Variants in FBXW2 observed in about 807,000 individuals in gnomAD.
The protein encoded by FBXW2 is F-box and WD repeat domain containing 2, also known as F-box/WD repeat-containing protein 2.
In FBXW2, 12 loss-of-function variants were observed where a neutral mutation model predicts 46.0. The observed-to-expected ratio is 0.26, with a 90% CI of 0.17 to 0.42. The LOEUF (loss-of-function observed/expected upper bound fraction) is 0.42, where lower values mean the gene tolerates loss of function less well. FBXW2 is among the 10% of genes least tolerant of loss of function. FBXW2 has a pLI of 1.00. For synonymous variants in FBXW2, 203 were observed against 209.6 expected (o/e 0.97, Z 0.27); for missense variants, 360 against 537.0 (o/e 0.67, Z 3.26).
Position 120,778,069 on chromosome 9 carries a change from G to C in FBXW2, c.685+282C>G, listed in dbSNP as rs139478454. On this transcript the variant is annotated intron_variant, in intron 4 of 7. Transcript: ENST00000608872. ...CAATAGGATATAAATGAAACAGGAGGGGGGAGAGAGAGAATGAGAGAGAGA... is the reference window on the plus strand; with the variant it reads ...CAATAGGATATAAATGAAACAGGAGCGGGGAGAGAGAGAATGAGAGAGAGA... 4.7e-4 allele frequency among the ~76,000 whole-genome samples: 71 copies of C among 151,900 alleles called. 1 individual carries two copies. The East Asian group carries it at 0.011, about 24-fold the overall frequency.
chr9:120,789,562 A>G (rs1184166235), intron 2 of FBXW2, among the ~76,000 whole-genome samples: 1 of 152,210 alleles, frequency 6.6e-6, no homozygotes, highest in African/African-American at 2.4e-5. Context: ...ATATATTTAA[A>G]TATTTCCATG....
chr9:120,767,875 A>G (rs984325414), intron 7 of FBXW2, among the ~76,000 whole-genome samples: 41 of 152,192 alleles, frequency 2.7e-4, no homozygotes, highest in African/African-American at 9.4e-4. Context: ...GTTCACTAAT[A>G]TATGCACTAC....
rs2044177415 is a variant in FBXW2, at chr9:120,760,293, C to CTTCATA, written c.*4260_*4265dup. 6.6e-6 allele frequency: 1 copy of CTTCATA among 152,278 alleles called. No homozygotes were observed. Among genetic ancestry groups the CTTCATA allele is most frequent in the Non-Finnish European group, 1.5e-5 (1 of 68,132 alleles). The allele number at this position is 152,278 out of a possible 1,614,324, so 9.4% of individuals were successfully genotyped here. The stretch of plus-strand genomic sequence containing the variant: ...CTTCCCAACAGAGAAAGGCAAGTGG[C>CTTCATA]TTCATACACCAAGGCCCAGAGGAAG... On this transcript the variant is annotated 3_prime_UTR_variant, in exon 8 of 8. Transcript: ENST00000608872.
chr9:120,776,502 A>T, intron 4 of FBXW2: 1 of 362,702 alleles, frequency 2.8e-6, no homozygotes, highest in Non-Finnish European at 5.1e-6. Flanking sequence ...AGATAATGGC[A>T]TTCCTTCTTA....
At chr9:120,765,321 CTGACCTCAGA>C (rs1160806382) in intron 7 of FBXW2, among the ~76,000 whole-genome samples, 17 of 152,294 alleles carry the variant, frequency 1.1e-4, no homozygotes, top group African/African-American at 3.6e-4. Flanking sequence ...TCTCGAACTA[CTGACCTCAGA>C]TGATCTGCCC....
chr9:120,757,497 A>G lies in FBXW2; in HGVS notation c.*7062T>C, dbSNP rs2044144670. The stretch of plus-strand genomic sequence containing the variant: ...TACCTAATTATCTACCAAAACAGAA[A>G]TGGTTTAGCAAATTACAGTAATGAA... On this transcript the variant is annotated 3_prime_UTR_variant, in exon 8 of 8. Coordinates refer to ENST00000608872, the MANE Select transcript of FBXW2 (RefSeq NM_012164.4). 1 of 152,240 alleles carries G rather than the reference A, an allele frequency of 6.6e-6. No individual in the cohort carries two copies. The highest frequency in any genetic ancestry group is 2.4e-5 in the African/African-American group (1 of 41,454). The allele number at this position is 152,240 out of a possible 1,614,324, so 9.4% of individuals were successfully genotyped here.
chr9:120,793,016 C>T, intron 2 of FBXW2, 133 bp downstream of exon 2: 1 of 1,472,014 alleles, frequency 6.8e-7, no homozygotes, highest in South Asian at 1.2e-5. Flanking sequence ...CATTTCGCAG[C>T]TAAGGAAATG....
chr9:120,790,142 G>A (rs1316285635), intron 2 of FBXW2, among the ~76,000 whole-genome samples: 2 of 152,162 alleles, frequency 1.3e-5, no homozygotes, highest in Non-Finnish European at 2.9e-5. Flanking sequence ...GTGGGCATCT[G>A]CATATTGTCA....
At chr9:120,775,675 C>T (rs1020067617) in intron 5 of FBXW2, among the ~76,000 whole-genome samples, 5 of 152,080 alleles carry the variant, frequency 3.3e-5, no homozygotes, top group African/African-American at 7.2e-5. Context: ...TTCTTGTAAG[C>T]GTTATTTTTT....
At chr9:120,776,319 A>T (rs1447123692) in intron 4 of FBXW2, 93 bp from the exon 5 acceptor site, 1 of 1,424,894 alleles carries the variant, frequency 7.0e-7, no homozygotes, top group Non-Finnish European at 9.4e-7. Context: ...CCAATTATAT[A>T]ATTTCCCAAC....
intron 3 of FBXW2, among the ~76,000 whole-genome samples, chr9:120,785,754 G>A (rs896388900): frequency 6.6e-6 from 1 of 152,066 alleles, no homozygotes; most frequent in African/African-American, 2.4e-5. Flanking sequence ...ATTGGGCCGG[G>A]CACGGTGGCT....
chr9:120,789,575 T>C (rs1255160572), intron 2 of FBXW2, among the ~76,000 whole-genome samples: 1 of 152,240 alleles, frequency 6.6e-6, no homozygotes, highest in Non-Finnish European at 1.5e-5. Context: ...TTTCCATGGT[T>C]TAATAAAAAC....
rs377505546 is a variant in FBXW2 at position 120,757,652 on chromosome 9, AT to A, written c.*6906del. The A allele has an allele frequency of 3.3e-5, 5 of 152,340 alleles. No homozygotes were observed. Among genetic ancestry groups the A allele is most frequent in the African/African-American group, 1.2e-4 (5 of 41,582 alleles). The allele number at this position is 152,340 out of a possible 1,614,324, so 9.4% of individuals were successfully genotyped here. Reference sequence around the variant, plus strand: ...TAAGGATTAGAAGAGAGTATTAAAAATCGTAATGATAAAGGAGCTCTGGGTA... The same window carrying A: ...TAAGGATTAGAAGAGAGTATTAAAAACGTAATGATAAAGGAGCTCTGGGTA... On this transcript the variant is annotated 3_prime_UTR_variant, in exon 8 of 8. Coordinates refer to ENST00000608872, the MANE Select transcript of FBXW2 (RefSeq NM_012164.4).
At chr9:120,775,551 G>C (rs146949023) in intron 5 of FBXW2, among the ~76,000 whole-genome samples, 1 of 152,070 alleles carries the variant, frequency 6.6e-6, no homozygotes, top group Non-Finnish European at 1.5e-5. Flanking sequence ...GTGCTTCTGC[G>C]TGGTATATCC....
At position 120,758,620 on chromosome 9, in the gene FBXW2, G is replaced by A. The variant is rs1223919316; in HGVS notation, c.*5939C>T. 3 of 152,228 alleles carry A rather than the reference G, an allele frequency of 2.0e-5. No individual in the cohort carries two copies. The highest frequency in any genetic ancestry group is 7.2e-5 in the African/African-American group (3 of 41,452). The allele number at this position is 152,228 out of a possible 1,614,324, so 9.4% of individuals were successfully genotyped here. Reference sequence around the variant, plus strand: ...GAAAACATGGAAAAAATCCAGGTGTGTGGGGGCTGAAAATCAGGGCTTCAG... The same window carrying A: ...GAAAACATGGAAAAAATCCAGGTGTATGGGGGCTGAAAATCAGGGCTTCAG... On this transcript the variant is annotated 3_prime_UTR_variant, in exon 8 of 8. Transcript: ENST00000608872.
At chr9:120,785,421 A>T (rs2044700035) in intron 3 of FBXW2, among the ~76,000 whole-genome samples, 1 of 152,230 alleles carries the variant, frequency 6.6e-6, no homozygotes, top group African/African-American at 2.4e-5. Context: ...TGTTCTAGTA[A>T]TCAGGCTTGT....
intron 5 of FBXW2, 51 bp from the exon 6 acceptor site, chr9:120,772,891 A>C (rs2044410214): frequency 7.3e-6 from 9 of 1,230,052 alleles, no homozygotes; most frequent in Non-Finnish European, 1.1e-5. Flanking sequence ...CTGCTCCTAT[A>C]ATGATTTTAT....
chr9:120,775,983 A>G (rs1588036154), intron 5 of FBXW2, 110 bp downstream of exon 5: 2 of 1,322,972 alleles, frequency 1.5e-6, no homozygotes, highest in African/African-American at 1.5e-5. Flanking sequence ...TTGTAGGTAC[A>G]GCAATTCCAT....
chr9:120,783,319 C>T (rs958690223), intron 3 of FBXW2, among the ~76,000 whole-genome samples: 5 of 152,150 alleles, frequency 3.3e-5, no homozygotes, highest in African/African-American at 4.8e-5. Context: ...CCATTTGCTG[C>T]ACTGGCTAAC....
Sources: gnomAD v4.1 joint callset for allele counts (sites outside exome capture counted in the v4.1 genomes callset) on GRCh38, gnomAD v4.1.1 for gene constraint, MANE v1.5 for transcripts, NCBI Gene and HGNC (gene_info 2026-07-23, HGNC 2026-07-21) for gene names.